The following ADGB variants were observed in gnomAD, a reference collection of about 807,000 sequenced individuals.
ADGB encodes calpain-7-like protein.
A neutral mutation model predicts 210.5 loss-of-function variants in ADGB; 172 were observed. The observed-to-expected ratio is 0.82, with a 90% CI of 0.72 to 0.93. The LOEUF (loss-of-function observed/expected upper bound fraction) is 0.93. Ranked by LOEUF, ADGB falls within the 40% of genes least tolerant of loss-of-function variation. The pLI is 0.00. For synonymous variants in ADGB, 658 were observed against 662.7 expected, an observed-to-expected ratio of 0.99 and a Z score of 0.11; for missense variants, 2,025 against 1,964.8, an observed-to-expected ratio of 1.03 and a Z score of -0.58.
chr6:146,612,871 A>G (rs1247699775), intron 1 of ADGB, among the ~76,000 whole-genome samples: 1 of 152,142 alleles, frequency 6.6e-6, no homozygotes. Context: ...ATGCTACCAT[A>G]CTATTTACCA....
chr6:146,687,967 T>C (rs1776255128), intron 10 of ADGB, among the ~76,000 whole-genome samples: 1 of 152,220 alleles, frequency 6.6e-6, no homozygotes, highest in African/African-American at 2.4e-5. Flanking sequence ...TAAATACTGT[T>C]CATTTTTAAG....
chr6:146,740,986 A>C, intron 24 of ADGB, 132 bp from the exon 25 acceptor site: 1 of 629,918 alleles, frequency 1.6e-6, no homozygotes, highest in Non-Finnish European at 2.4e-6. Context: ...AATTTTTAAA[A>C]GAAAATAATA....
intron 27 of ADGB, among the ~76,000 whole-genome samples, chr6:146,763,499 T>TA (rs1297700896): frequency 6.6e-6 from 1 of 152,200 alleles, no homozygotes; most frequent in African/African-American, 2.4e-5. Flanking sequence ...GCAGTACTTA[T>TA]ATGATCTGTT....
chr6:146,619,165 G>A (rs1021273495), intron 1 of ADGB, among the ~76,000 whole-genome samples: 2 of 149,854 alleles, frequency 1.3e-5, no homozygotes, highest in Admixed American at 1.3e-4. Context: ...CTTAAAGTTT[G>A]TTTTTTCTGA....
Position 146,780,066 on chromosome 6 carries a change from T to TA in ADGB, c.3863-1951dup, listed in dbSNP as rs375192801. On this transcript the variant is annotated intron_variant, in intron 29 of 35. Coordinates refer to ENST00000397944, the MANE Select transcript of ADGB (RefSeq NM_024694.4). ...TGGGCTTTATACATATACATATGTA[T>TA]AAAGATGAAATTTGTGATAATAACA... is the stretch of plus-strand genomic sequence containing the variant. Among the ~76,000 whole-genome samples the TA allele has an allele frequency of 2.4e-3, 362 of 152,058 alleles. 1 individual carries two copies. The highest frequency in any genetic ancestry group is 8.2e-3 in the African/African-American group (340 of 41,492).
chr6:146,739,834 A>G (rs1379278762), intron 23 of ADGB, among the ~76,000 whole-genome samples: 2 of 152,136 alleles, frequency 1.3e-5, no homozygotes, highest in African/African-American at 4.8e-5. Context: ...TGGAAAATCC[A>G]TCACATCATC....
chr6:146,808,971 C>G (rs542351110), intron 35 of ADGB, among the ~76,000 whole-genome samples: 1 of 151,764 alleles, frequency 6.6e-6, no homozygotes, highest in African/African-American at 2.4e-5. Flanking sequence ...GCGAAGGCCT[C>G]GAGCTGTGGG....
At chr6:146,615,999 A>T (rs770682412) in intron 1 of ADGB, among the ~76,000 whole-genome samples, 1 of 152,094 alleles carries the variant, frequency 6.6e-6, no homozygotes, top group Non-Finnish European at 1.5e-5. Context: ...ACTGTTTTTC[A>T]TAGTAGCTGT....
intron 9 of ADGB, among the ~76,000 whole-genome samples, chr6:146,684,942 A>G (rs186017958): frequency 5.9e-5 from 9 of 152,230 alleles, no homozygotes; most frequent in African/African-American, 2.2e-4. Flanking sequence ...TCATATCTCC[A>G]TTCTAGACAT....
intron 3 of ADGB, among the ~76,000 whole-genome samples, chr6:146,652,977 C>T (rs1000201742): frequency 7.9e-5 from 12 of 152,222 alleles, no homozygotes; most frequent in African/African-American, 1.9e-4. Context: ...AGGTGAGCAG[C>T]GGGCGAACAA....
chr6:146,645,109 C>A (rs375374681), intron 3 of ADGB, among the ~76,000 whole-genome samples: 1 of 152,050 alleles, frequency 6.6e-6, no homozygotes, highest in African/African-American at 2.4e-5. Context: ...TTCTTCCCTC[C>A]AAAATGCTAA....
intron 7 of ADGB, among the ~76,000 whole-genome samples, chr6:146,670,974 G>T (rs1775999475): frequency 6.6e-6 from 1 of 152,106 alleles, no homozygotes. Context: ...GATTGAGGTG[G>T]GGAATCCAAC....
chr6:146,792,550 T>A (rs1365837220), intron 33 of ADGB, among the ~76,000 whole-genome samples: 1 of 152,126 alleles, frequency 6.6e-6, no homozygotes, highest in Non-Finnish European at 1.5e-5. Flanking sequence ...ACAGACTTTT[T>A]TTTTTTTTAC....
intron 35 of ADGB, among the ~76,000 whole-genome samples, chr6:146,812,441 C>T (rs1348833970): frequency 6.6e-6 from 1 of 152,230 alleles, no homozygotes; most frequent in Non-Finnish European, 1.5e-5. Flanking sequence ...AATGTTTATA[C>T]ATTTCTTTAA....
At chr6:146,606,389 C>T (rs1277470036) in intron 1 of ADGB, among the ~76,000 whole-genome samples, 2 of 152,126 alleles carry the variant, frequency 1.3e-5, no homozygotes, top group South Asian at 2.1e-4. Context: ...TGGAGAAGCT[C>T]TTTAGTTTAA....
intron 27 of ADGB, among the ~76,000 whole-genome samples, chr6:146,763,253 G>A (rs925358770): frequency 5.3e-5 from 8 of 152,200 alleles, no homozygotes; most frequent in Non-Finnish European, 1.0e-4. Flanking sequence ...TGCTTTATAC[G>A]TTTTGTCCAT....
chr6:146,801,890 A>G lies in ADGB; in HGVS notation c.4697A>G (p.Lys1566Arg). 1 of 1,551,188 alleles carries G rather than the reference A, an allele frequency of 6.4e-7. No homozygotes were observed. ...DELNQQQAMQ[K>R]AEEIHQFRQH... ...TTGAATCAGCAGCAGGCAATGCAAA[A>G]GGCGGAAGAAATTCATCAGTTTCGA... The change falls in exon 35 of 36, where the codon AAG (lysine) becomes AGG (arginine). Residue 1566 changes from lysine (K) to arginine (R), a missense_variant. Coordinates refer to ENST00000397944, the MANE Select transcript of ADGB (RefSeq NM_024694.4).
intron 13 of ADGB, among the ~76,000 whole-genome samples, chr6:146,702,133 A>C (rs1201987601): frequency 6.6e-6 from 1 of 151,722 alleles, no homozygotes; most frequent in Non-Finnish European, 1.5e-5. Context: ...GCTTCATTGG[A>C]TATCATATTA....
intron 5 of ADGB, among the ~76,000 whole-genome samples, chr6:146,658,449 G>A (rs1407298800): frequency 2.0e-5 from 3 of 152,088 alleles, no homozygotes; most frequent in African/African-American, 7.2e-5. Flanking sequence ...GGAAAAGCGA[G>A]GAGATAAAAT....
Sources: gnomAD v4.1 joint callset for allele counts (sites outside exome capture counted in the v4.1 genomes callset) on GRCh38, gnomAD v4.1.1 for gene constraint, MANE v1.5 for transcripts, NCBI Gene and HGNC (gene_info 2026-07-23, HGNC 2026-07-21) for gene names.